Variants in ZBTB20 observed in about 807,000 individuals in gnomAD.
ZBTB20 encodes the protein zinc finger and BTB domain containing 20.
ZBTB20 carries 9 observed loss-of-function variants against 56.9 expected under a neutral mutation model. The ratio of observed to expected loss-of-function variants is 0.16; its 90% CI spans 0.10 to 0.28. The LOEUF (loss-of-function observed/expected upper bound fraction) is 0.28. Among genes scored for constraint, ZBTB20 ranks in the 10% least tolerant of loss-of-function variants. The probability of loss-of-function intolerance (pLI) is 1.00; values close to 1 mark genes in which losing one functional copy is unlikely to be tolerated. For synonymous variants in ZBTB20, 417 were observed against 420.7 expected (o/e 0.99, Z 0.11); for missense variants, 655 against 1,003.0 (o/e 0.65, Z 4.69).
At chr3:114,812,936 C>CCGGTGGGGCCGGTGGGGCA (rs1553831641) in intron 4 of ZBTB20, among the ~76,000 whole-genome samples, 2 of 152,214 alleles carry the variant, frequency 1.3e-5, no homozygotes, top group South Asian at 4.1e-4. Context: ...TGGGGCAGGC[C>CCGGTGGGGCCGGTGGGGCA]GGCCGCTCCG....
At chr3:114,690,793 C>A (rs1305245840) in intron 6 of ZBTB20, among the ~76,000 whole-genome samples, 1 of 152,062 alleles carries the variant, frequency 6.6e-6, no homozygotes, top group Non-Finnish European at 1.5e-5. Flanking sequence ...AAATTATAAA[C>A]TTTTAAAGCC....
At position 114,603,840 on chromosome 3, in the gene ZBTB20, CGA is replaced by C. The variant is rs553798837; in HGVS notation, c.-295+89686_-295+89687del. 3.5e-3 allele frequency among the ~76,000 whole-genome samples: 532 copies of C among 151,794 alleles called. 1 individual carries two copies. Among genetic ancestry groups the C allele is most frequent in the African/African-American group, 0.012 (511 of 41,468 alleles). On this transcript the variant is annotated intron_variant, in intron 6 of 11. Transcript: ENST00000675478. ...TTAAAAATGCAAACTAAAACTATAC[CGA>C]GATACCGTCTTTTACCAATACAATT...
intron 4 of ZBTB20, among the ~76,000 whole-genome samples, chr3:114,817,257 G>A (rs954216889): frequency 4.0e-5 from 6 of 151,094 alleles, no homozygotes; most frequent in East Asian, 1.9e-4. Context: ...GGTGGCTTAC[G>A]CCTGTAATCC....
At chr3:114,531,566 A>G (rs2047846201) in intron 6 of ZBTB20, among the ~76,000 whole-genome samples, 1 of 152,234 alleles carries the variant, frequency 6.6e-6, no homozygotes. Flanking sequence ...CTTTCTCACA[A>G]TCAGGACTGG....
chr3:114,985,837 A>G (rs974391234), intron 2 of ZBTB20, among the ~76,000 whole-genome samples: 1 of 152,160 alleles, frequency 6.6e-6, no homozygotes, highest in Admixed American at 6.6e-5. Flanking sequence ...ACCTTTATCT[A>G]TAAAGTGCCA....
chr3:115,141,601 T>C (rs2084812840), intron 1 of ZBTB20, among the ~76,000 whole-genome samples: 1 of 152,190 alleles, frequency 6.6e-6, no homozygotes, highest in South Asian at 2.1e-4. Context: ...GTAGGGTGAC[T>C]GACCCAGTGC....
At chr3:114,719,279 T>C (rs183928055) in intron 5 of ZBTB20, among the ~76,000 whole-genome samples, 5 of 152,018 alleles carry the variant, frequency 3.3e-5, no homozygotes, top group Admixed American at 3.3e-4. Flanking sequence ...GGTGAGACCT[T>C]AAGGAAAAGA....
At chr3:114,394,154 T>A (rs1437676384) in intron 7 of ZBTB20, among the ~76,000 whole-genome samples, 3 of 152,228 alleles carry the variant, frequency 2.0e-5, no homozygotes, top group African/African-American at 7.2e-5. Context: ...CAGGCATTTT[T>A]ATAAATGAGT....
intron 6 of ZBTB20, among the ~76,000 whole-genome samples, chr3:114,575,618 C>T (rs2053932739): frequency 6.6e-6 from 1 of 151,178 alleles, no homozygotes; most frequent in Admixed American, 6.6e-5. Flanking sequence ...GGAACTACTT[C>T]AAAATGCCTC....
intron 2 of ZBTB20, among the ~76,000 whole-genome samples, chr3:115,054,653 T>A (rs899731585): frequency 1.3e-5 from 2 of 152,106 alleles, no homozygotes; most frequent in African/African-American, 4.8e-5. Context: ...TTAACCTTTA[T>A]CATGCAAGCA....
chr3:114,691,238 T>C (rs1163371378), intron 6 of ZBTB20, among the ~76,000 whole-genome samples: 1 of 152,150 alleles, frequency 6.6e-6, no homozygotes, highest in Non-Finnish European at 1.5e-5. Flanking sequence ...TTTATCTGAA[T>C]AGTTTTTAAC....
chr3:114,720,758 T>G (rs933910227), intron 5 of ZBTB20, among the ~76,000 whole-genome samples: 1 of 152,216 alleles, frequency 6.6e-6, no homozygotes, highest in Non-Finnish European at 1.5e-5. Context: ...TGTTTGATTT[T>G]CTTTGATAGA....
chr3:115,083,063 G>T (rs1420008359), intron 1 of ZBTB20, among the ~76,000 whole-genome samples: 1 of 151,878 alleles, frequency 6.6e-6, no homozygotes. Flanking sequence ...ACCTACAATG[G>T]AAACTCAAGG....
intron 4 of ZBTB20, among the ~76,000 whole-genome samples, chr3:114,896,582 C>T (rs1258597486): frequency 2.0e-5 from 3 of 151,920 alleles, no homozygotes; most frequent in Non-Finnish European, 4.4e-5. Context: ...ATGGTGGCTG[C>T]CAGAGGCTGG....
chr3:114,498,858 T>A (rs757130196), intron 7 of ZBTB20, among the ~76,000 whole-genome samples: 5 of 152,208 alleles, frequency 3.3e-5, no homozygotes, highest in Admixed American at 6.5e-5. Context: ...ACAGGTCCCC[T>A]GTACTGCTTG....
Position 114,335,142 on chromosome 3 carries a change from C to T in ZBTB20, c.*3863G>A, listed in dbSNP as rs904242114. ...AAATTCCCCTTTGACTTTTTTTCCT[C>T]TCCCTTGTTTGGCAAATTCCATTTT... On this transcript the variant is annotated 3_prime_UTR_variant, in exon 12 of 12. Transcript: ENST00000675478. 7.9e-5 allele frequency: 12 copies of T among 152,054 alleles called. No homozygotes were observed. The highest frequency in any genetic ancestry group is 4.1e-4 in the South Asian group (2 of 4,822). 9.4% of individuals were successfully genotyped at this position (152,054 alleles called of 1,614,324 possible). A position where few individuals can be genotyped will look rare whatever the true frequency, so the allele number is the denominator to read the frequency against.
chr3:114,497,851 G>A (rs137887263), intron 7 of ZBTB20, among the ~76,000 whole-genome samples: 103 of 152,256 alleles, frequency 6.8e-4, no homozygotes, highest in African/African-American at 2.4e-3. Context: ...TAATCAAAAC[G>A]AAGCCAAGTA....
intron 4 of ZBTB20, among the ~76,000 whole-genome samples, chr3:114,833,660 G>T (rs1338472869): frequency 6.6e-5 from 10 of 151,026 alleles, no homozygotes; most frequent in Non-Finnish European, 1.2e-4. Context: ...CTTCTGAGTA[G>T]CTGGGACCAC....
At chr3:114,377,376 T>C (rs1198796932) in intron 10 of ZBTB20, among the ~76,000 whole-genome samples, 1 of 152,214 alleles carries the variant, frequency 6.6e-6, no homozygotes, top group Non-Finnish European at 1.5e-5. Flanking sequence ...ATATCTCAAC[T>C]ATATTTCTTC....
Sources: allele counts gnomAD v4.1 joint callset (sites outside exome capture counted in the v4.1 genomes callset), GRCh38; gene constraint gnomAD v4.1.1; transcripts MANE v1.5; gene names NCBI Gene and HGNC (gene_info 2026-07-23, HGNC 2026-07-21).